DDX60: variants seen among roughly 807,000 people sequenced by gnomAD.
DDX60 encodes DExD/H-box helicase 60.
Under a neutral mutation model 212.8 loss-of-function variants are expected in DDX60, and 165 were observed. That is an observed-to-expected ratio of 0.78 (90% CI 0.68 to 0.88). DDX60 has a LOEUF of 0.88. DDX60 is among the 40% of genes least tolerant of loss of function. The pLI is 0.00. For missense variants in DDX60, 1,905 were observed against 2,003.9 expected (o/e 0.95, Z 0.94); for synonymous variants, 703 against 685.3 (o/e 1.03, Z -0.40).
Position 168,300,981 on chromosome 4 carries a change from G to A in DDX60, c.723+1319C>T, listed in dbSNP as rs569791135. ...AGTCAGGGGGAGTGATGGTTGAAGA[G>A]TTACCTGCTGAGTACAACATTGGGT... is the stretch of plus-strand genomic sequence containing the variant. On this transcript the variant is annotated intron_variant, in intron 6 of 37. Transcript: ENST00000393743. Among the ~76,000 whole-genome samples, 5 of 152,216 alleles carry A rather than the reference G, an allele frequency of 3.3e-5. No homozygotes were observed. In the East Asian group the frequency reaches 9.7e-4, roughly 29 times the overall value.
chr4:168,216,866 G>T lies in DDX60; in HGVS notation c.*67C>A. ...AATGTATTTCTGGCAAGAAGCATAA[G>T]AATCAAAAACGTGACCTGAAAAACT... On this transcript the variant is annotated 3_prime_UTR_variant, in exon 38 of 38. Coordinates refer to ENST00000393743, the MANE Select transcript of DDX60 (RefSeq NM_017631.6). The T allele has an allele frequency of 1.1e-6, 1 of 949,490 alleles. No homozygotes were observed. The highest frequency in any genetic ancestry group is 1.6e-5 in the South Asian group (1 of 64,138). 58.8% of individuals were successfully genotyped at this position (949,490 alleles called of 1,614,324 possible). A position where few individuals can be genotyped will look rare whatever the true frequency, so the allele number is the denominator to read the frequency against.
rs1579007849 is a variant in DDX60 at position 168,257,574 on chromosome 4, TG to T, written c.3399-1706del. Among the ~76,000 whole-genome samples, 6 of 152,204 alleles carry T rather than the reference TG, an allele frequency of 3.9e-5. 1 individual carries two copies. The highest frequency in any genetic ancestry group is 3.9e-4 in the Admixed American group (6 of 15,278). On this transcript the variant is annotated intron_variant, in intron 25 of 37. Coordinates refer to ENST00000393743, the MANE Select transcript of DDX60 (RefSeq NM_017631.6). ...CTCTTTTTACATTAATGCAAGTTACTGGGGCCTAGGAATATATTACTTTTTA... is the reference window on the plus strand; with the variant it reads ...CTCTTTTTACATTAATGCAAGTTACTGGGCCTAGGAATATATTACTTTTTA...
chr4:168,280,188 G>T, intron 14 of DDX60, 147 bp downstream of exon 14: 1 of 1,069,790 alleles, frequency 9.3e-7, no homozygotes, highest in Non-Finnish European at 1.3e-6. Context: ...CAGGTAGCGG[G>T]AAACTATTGT....
chr4:168,291,051 G>A (rs1736073083), intron 8 of DDX60, among the ~76,000 whole-genome samples: 1 of 151,978 alleles, frequency 6.6e-6, no homozygotes. Context: ...TACACAAAGA[G>A]AATAACAACA....
rs747002852 is a variant in DDX60, at chr4:168,262,121, C to T, written c.3152G>A (p.Cys1051Tyr). The T allele has an allele frequency of 6.4e-7, 1 of 1,573,998 alleles. No homozygotes were observed. Among genetic ancestry groups the T allele is most frequent in the South Asian group, 1.2e-5 (1 of 83,248 alleles). ...GTTAAAATGAATGAAGTTTTCTGGG[C>T]ACAGTTCCTTGAAAACAAATATTAC... ...WKSWPRAQEL[C>Y]PENFIHFNNK... The change falls in exon 24 of 38, where the codon TGC (cysteine) becomes TAC (tyrosine). Residue 1051 changes from cysteine to tyrosine, a missense_variant. Transcript: ENST00000393743.
At chr4:168,278,399 C>T (rs774078959) in intron 14 of DDX60, among the ~76,000 whole-genome samples, 8 of 152,344 alleles carry the variant, frequency 5.3e-5, no homozygotes, top group African/African-American at 1.7e-4. Flanking sequence ...AAACATGTTG[C>T]ACCTGAAAGC....
Position 168,311,263 on chromosome 4 carries a change from T to C in DDX60, c.-4A>G. The stretch of plus-strand genomic sequence containing the variant: ...TTTTAAGTGGAAAATTACCCATTCT[T>C]GCTGCTGCCTGTGCCTCCAACCTGA... On this transcript the variant is annotated 5_prime_UTR_variant, in exon 2 of 38. Transcript: ENST00000393743. 2.5e-6 allele frequency: 4 copies of C among 1,612,536 alleles called. No individual in the cohort carries two copies. Among genetic ancestry groups the C allele is most frequent in the Non-Finnish European group, 3.4e-6 (4 of 1,179,392 alleles).
At chr4:168,224,196 ATTCT>A (rs749357207) in intron 35 of DDX60, 43 bp downstream of exon 35, 3 of 1,604,322 alleles carry the variant, frequency 1.9e-6, no homozygotes, top group East Asian at 2.2e-5. Context: ...ATATAAATCC[ATTCT>A]TTCTTAAACA....
At chr4:168,317,783 G>A (rs1209039692) in intron 1 of DDX60, among the ~76,000 whole-genome samples, 1 of 152,152 alleles carries the variant, frequency 6.6e-6, no homozygotes, top group African/African-American at 2.4e-5. Context: ...AACGGTATAA[G>A]CCACCTTGTT....
upstream of DDX60, among the ~76,000 whole-genome samples, chr4:168,320,189 C>A (rs1737569624): frequency 6.6e-6 from 1 of 152,170 alleles, no homozygotes; most frequent in Non-Finnish European, 1.5e-5. Flanking sequence ...CCTATGAATA[C>A]AGTAACTTTC....
At position 168,282,484 on chromosome 4, in the gene DDX60, C is replaced by A. The variant is rs190371206; in HGVS notation, c.1722+962G>T. On this transcript the variant is annotated intron_variant, in intron 13 of 37. Coordinates refer to ENST00000393743, the MANE Select transcript of DDX60 (RefSeq NM_017631.6). ...ATATTTTTTGAGGTCTTTATATGTT[C>A]CATTCCTGATAACTTCACCACGTTT... Among the ~76,000 whole-genome samples, 139 of 152,180 alleles carry A rather than the reference C, an allele frequency of 9.1e-4. 1 individual carries two copies. Among genetic ancestry groups the A allele is most frequent in the African/African-American group, 3.0e-3 (124 of 41,522 alleles).
In DDX60 at chr4:168,273,957, C is replaced by T; in HGVS notation, c.2431G>A (p.Val811Ile). Residue 811 changes from valine (V) to isoleucine (I), a missense_variant, in exon 17 of 38, where the codon GTC (valine) becomes ATC (isoleucine). Physicochemically the swap from Val to Ile is conservative, Grantham distance 29. Transcript: ENST00000393743. ...ACCTTTGTGGGTGCAACGTACACGA[C>T]CACCCCGTCGTCGCTCTCCTTCAGC... ...KVLKESDDGVVVYVAPTKALV... is the reference protein window; with the variant it reads ...KVLKESDDGVIVYVAPTKALV... The T allele has an allele frequency of 2.5e-6, 4 of 1,614,062 alleles. No individual in the cohort carries two copies. Among genetic ancestry groups the T allele is most frequent in the Non-Finnish European group, 3.4e-6 (4 of 1,179,944 alleles).
intron 8 of DDX60, among the ~76,000 whole-genome samples, chr4:168,291,174 AAAGG>A (rs1445867730): frequency 1.3e-5 from 2 of 152,212 alleles, no homozygotes; most frequent in African/African-American, 4.8e-5. Flanking sequence ...TAATATTGTG[AAAGG>A]AAATAGAAAA....
At chr4:168,230,599 A>G (rs1733417216) in intron 33 of DDX60, among the ~76,000 whole-genome samples, 1 of 152,196 alleles carries the variant, frequency 6.6e-6, no homozygotes, top group South Asian at 2.1e-4. Context: ...TTGGGTCAAC[A>G]ATGAAATCAG....
At chr4:168,242,761 G>C (rs1049663316) in intron 30 of DDX60, among the ~76,000 whole-genome samples, 3 of 152,156 alleles carry the variant, frequency 2.0e-5, no homozygotes, top group African/African-American at 7.2e-5. Context: ...GCTGAAATGA[G>C]TTAAGACTCT....
At chr4:168,257,962 G>A (rs577983440) in intron 25 of DDX60, among the ~76,000 whole-genome samples, 1 of 152,302 alleles carries the variant, frequency 6.6e-6, no homozygotes, top group East Asian at 1.9e-4. Flanking sequence ...ATTACTGGGT[G>A]GGTGTTCTTT....
At chr4:168,289,277 A>T (rs1407162849) in intron 8 of DDX60, among the ~76,000 whole-genome samples, 1 of 152,180 alleles carries the variant, frequency 6.6e-6, no homozygotes, top group South Asian at 2.1e-4. Flanking sequence ...TCCTCAACCT[A>T]TTACAATCCT....
In DDX60 at chr4:168,284,849, T is replaced by G; in HGVS notation, c.1532A>C (p.Asp511Ala). Residue 511 changes from aspartate to alanine, a missense_variant, in exon 12 of 38, where the codon GAT becomes GCT. Coordinates refer to ENST00000393743, the MANE Select transcript of DDX60 (RefSeq NM_017631.6). Reference protein sequence around the residue: ...HWHSHKPLSDDYDRSRCQFDE... With the variant: ...HWHSHKPLSDAYDRSRCQFDE... The stretch of plus-strand genomic sequence containing the variant: ...AAACTGACACCTGGACCTGTCATAA[T>G]CATCACTCAGGGGTTTATGAGAATG... The G allele has an allele frequency of 3.8e-6, 6 of 1,581,772 alleles. No individual in the cohort carries two copies. Among genetic ancestry groups the G allele is most frequent in the East Asian group, 2.2e-5 (1 of 44,532 alleles).
chr4:168,251,130 G>A (rs767279757), intron 27 of DDX60, 24 bp from the exon 28 acceptor site: 25 of 1,578,128 alleles, frequency 1.6e-5, no homozygotes, highest in Non-Finnish European at 2.1e-5. Flanking sequence ...GACATTTAGG[G>A]ATTATGATTT....
Sources: gnomAD v4.1 joint callset for allele counts (sites outside exome capture counted in the v4.1 genomes callset) on GRCh38, gnomAD v4.1.1 for gene constraint, MANE v1.5 for transcripts, NCBI Gene and HGNC (gene_info 2026-07-23, HGNC 2026-07-21) for gene names.